The following GLRX3 variants were observed in gnomAD, a reference collection of about 807,000 sequenced individuals.
The protein encoded by GLRX3 is glutaredoxin 3.
In GLRX3, 22 loss-of-function variants were observed where a neutral mutation model predicts 49.5. The observed-to-expected ratio is 0.44, with a 90% CI of 0.32 to 0.63. The LOEUF is 0.63. Ranked by LOEUF, GLRX3 falls within the 30% of genes least tolerant of loss-of-function variation. The pLI is 0.05. For synonymous variants in GLRX3, 133 were observed against 140.0 expected, an observed-to-expected ratio of 0.95 and a Z score of 0.35; for missense variants, 385 against 396.3, an observed-to-expected ratio of 0.97 and a Z score of 0.24.
At chr10:130,173,281 A>G (rs1253469984) in intron 8 of GLRX3, among the ~76,000 whole-genome samples, 1 of 151,968 alleles carries the variant, frequency 6.6e-6, no homozygotes, top group Non-Finnish European at 1.5e-5. Flanking sequence ...TCTAATCTCC[A>G]TTGTATTGAA....
At chr10:130,158,680 G>A (rs1862522357) in intron 2 of GLRX3, among the ~76,000 whole-genome samples, 1 of 152,174 alleles carries the variant, frequency 6.6e-6, no homozygotes, top group East Asian at 1.9e-4. Context: ...TCTTTGATCT[G>A]AGTGTGCTGT....
At chr10:130,174,309 G>A (rs1862872701) in intron 8 of GLRX3, among the ~76,000 whole-genome samples, 1 of 152,188 alleles carries the variant, frequency 6.6e-6, no homozygotes, top group Admixed American at 6.5e-5. Flanking sequence ...CCTGCTGCAC[G>A]GGCAGCTTCC....
In GLRX3 at chr10:130,149,984, A is replaced by G. The variant is rs1430456585; in HGVS notation, c.201+4665A>G. On this transcript the variant is annotated intron_variant, in intron 2 of 10. Coordinates refer to ENST00000331244, the MANE Select transcript of GLRX3 (RefSeq NM_006541.5). ...CCGGGCATGGTGGCTCACGCTTGTA[A>G]TCCCAGCACTTTGGGAGGCCGAGGC... Among the ~76,000 whole-genome samples, 21 of 150,630 alleles carry G rather than the reference A, an allele frequency of 1.4e-4. No individual in the cohort carries two copies. The East Asian group carries it at 1.8e-3, about 13-fold the overall frequency.
chr10:130,155,720 T>C (rs1020714716), intron 2 of GLRX3, among the ~76,000 whole-genome samples: 1 of 151,620 alleles, frequency 6.6e-6, no homozygotes, highest in African/African-American at 2.4e-5. Flanking sequence ...AAGTTGGGAG[T>C]TGTAATAGCA....
chr10:130,178,009 G>T (rs1031383942), intron 10 of GLRX3, among the ~76,000 whole-genome samples: 4 of 152,208 alleles, frequency 2.6e-5, no homozygotes, highest in Non-Finnish European at 5.9e-5. Flanking sequence ...CATGGCGCCT[G>T]TACTGCAGTT....
intron 2 of GLRX3, among the ~76,000 whole-genome samples, chr10:130,156,177 C>T (rs1862466842): frequency 6.6e-6 from 1 of 152,202 alleles, no homozygotes; most frequent in South Asian, 2.1e-4. Context: ...AATCCAAGAT[C>T]AAAGCACCAG....
intron 2 of GLRX3, among the ~76,000 whole-genome samples, chr10:130,149,722 A>G (rs1862335585): frequency 6.7e-6 from 1 of 150,226 alleles, no homozygotes; most frequent in South Asian, 2.1e-4. Context: ...TGCTGGTTGT[A>G]TTTGAGATCC....
chr10:130,146,073 G>A (rs1331127493), intron 2 of GLRX3, among the ~76,000 whole-genome samples: 1 of 152,096 alleles, frequency 6.6e-6, no homozygotes, highest in African/African-American at 2.4e-5. Flanking sequence ...GATTAGGCGT[G>A]AGCCACCACG....
intron 1 of GLRX3, among the ~76,000 whole-genome samples, chr10:130,139,322 C>CT (rs1359581666): frequency 2.0e-5 from 3 of 149,928 alleles, no homozygotes; most frequent in Non-Finnish European, 3.0e-5. Flanking sequence ...ATTTCTGCAG[C>CT]TTTTTTGGTG....
intron 2 of GLRX3, among the ~76,000 whole-genome samples, chr10:130,148,781 G>A (rs1862316180): frequency 6.6e-6 from 1 of 152,022 alleles, no homozygotes; most frequent in South Asian, 2.1e-4. Context: ...GTGTATTTGG[G>A]GTGGGGCACA....
intron 10 of GLRX3, among the ~76,000 whole-genome samples, 188 bp from the exon 11 acceptor site, chr10:130,179,154 A>G (rs976017470): frequency 2.6e-5 from 4 of 152,168 alleles, no homozygotes; most frequent in Admixed American, 1.3e-4. Context: ...ACCTTGTTAA[A>G]TTTTTTAACC....
intron 2 of GLRX3, 98 bp downstream of exon 2, chr10:130,145,417 C>T: frequency 1.7e-6 from 1 of 603,628 alleles, no homozygotes; most frequent in Non-Finnish European, 3.1e-6. Context: ...AATCCCAGCA[C>T]TTTGGGAGGC....
At chr10:130,173,148 C>T (rs1862846845) in intron 8 of GLRX3, among the ~76,000 whole-genome samples, 1 of 152,180 alleles carries the variant, frequency 6.6e-6, no homozygotes, top group Admixed American at 6.5e-5. Context: ...GAGACACACA[C>T]AGTCCATCCC....
rs58269012 is a variant in GLRX3, at chr10:130,166,244, C to CT, written c.479-248dup. ...ATAACTTTAATAAATACACACACCA[C>CT]TTTTTTTTTTTTTTTCAGTAGTCAC... On this transcript the variant is annotated intron_variant, in intron 4 of 10. Coordinates refer to ENST00000331244, the MANE Select transcript of GLRX3 (RefSeq NM_006541.5). Among the ~76,000 whole-genome samples the CT allele has an allele frequency of 5.6e-3, 776 of 139,316 alleles. 2 individuals carry two copies. Among genetic ancestry groups the CT allele is most frequent in the South Asian group, 0.016 (72 of 4,398 alleles). The allele number at this position is 139,316 out of a possible 152,430, so 91.4% of individuals were successfully genotyped here.
At chr10:130,163,417 G>A (rs1862614894) in intron 4 of GLRX3, among the ~76,000 whole-genome samples, 2 of 152,104 alleles carry the variant, frequency 1.3e-5, no homozygotes, top group South Asian at 4.1e-4. Flanking sequence ...GTGAAACTCT[G>A]TCTCAAAACA....
chr10:130,159,779 A>G, intron 2 of GLRX3: 5 of 1,289,346 alleles, frequency 3.9e-6, no homozygotes, highest in Non-Finnish European at 4.9e-6. Flanking sequence ...GCAACAAAAT[A>G]AAAACCTCTG....
Position 130,169,573 on chromosome 10 carries a change from A to G in GLRX3, c.771+83A>G, listed in dbSNP as rs1476593834. 8 of 887,048 alleles carry G rather than the reference A, an allele frequency of 9.0e-6. No homozygotes were observed. The Admixed American group carries it at 1.1e-4, about 12-fold the overall frequency. The allele number at this position is 887,048 out of a possible 1,614,324, so 54.9% of individuals were successfully genotyped here. A position where few individuals can be genotyped will look rare whatever the true frequency, so the allele number is the denominator to read the frequency against. On this transcript the variant is annotated intron_variant, in intron 7 of 10. Coordinates refer to ENST00000331244, the MANE Select transcript of GLRX3 (RefSeq NM_006541.5). The stretch of plus-strand genomic sequence containing the variant: ...AAGGGGACAGTTAAATCTTTTTCCT[A>G]GCTTTAGCTAATGAAGCTGTAGCGA...
At position 130,160,927 on chromosome 10, in the gene GLRX3, C is replaced by A. The variant is rs1862564987; in HGVS notation, c.408C>A (p.Arg136=). The change falls in exon 4 of 11, where the codon CGC becomes CGA. Residue 136 remains arginine, a synonymous_variant. Coordinates refer to ENST00000331244, the MANE Select transcript of GLRX3 (RefSeq NM_006541.5). ...ATCTTAAAGAAGATCTCAACCTTCG[C>A]TTGAAGAAATTGACTCATGCTGCCC... ...NEHLKEDLNL[R]LKKLTHAAPC... The A allele has an allele frequency of 1.2e-6, 2 of 1,613,734 alleles. No individual in the cohort carries two copies. The highest frequency in any genetic ancestry group is 2.7e-5 in the African/African-American group (2 of 75,020).
At chr10:130,168,546 A>G (rs55726362) in intron 6 of GLRX3, among the ~76,000 whole-genome samples, 5,776 of 152,182 alleles carry the variant, frequency 0.038, 203 homozygotes, top group East Asian at 0.1. Context: ...CCGGGTTCAC[A>G]CCATTCTCCT....
Sources: gnomAD v4.1 joint callset for allele counts (sites outside exome capture counted in the v4.1 genomes callset) on GRCh38, gnomAD v4.1.1 for gene constraint, MANE v1.5 for transcripts, NCBI Gene and HGNC (gene_info 2026-07-23, HGNC 2026-07-21) for gene names.